ZBBX: variants seen among roughly 807,000 people sequenced by gnomAD.
ZBBX encodes the protein zinc finger B-box domain-containing protein 1.
ZBBX carries 101 observed loss-of-function variants against 108.5 expected under a neutral mutation model. That is an observed-to-expected ratio of 0.93 (90% CI 0.79 to 1.10). The LOEUF (loss-of-function observed/expected upper bound fraction) is 1.10. Ranked by LOEUF, ZBBX falls within the 50% of genes least tolerant of loss-of-function variation. The pLI is 0.00. For missense variants in ZBBX, 1,009 were observed against 941.4 expected, an observed-to-expected ratio of 1.07 and a Z score of -0.94; for synonymous variants, 356 against 323.4, an observed-to-expected ratio of 1.10 and a Z score of -1.08.
the ZBBX span, among the ~76,000 whole-genome samples, chr3:167,179,531 G>C: frequency 3.9e-5 from 6 of 152,286 alleles, no homozygotes; most frequent in South Asian, 1.2e-3. Flanking sequence ...TTGCAATTGG[G>C]TAAATAAAGT....
At chr3:167,275,211 A>G (rs1200478093) in intron 20 of ZBBX, among the ~76,000 whole-genome samples, 1 of 152,188 alleles carries the variant, frequency 6.6e-6, no homozygotes, top group African/African-American at 2.4e-5. Flanking sequence ...TACTAAATAT[A>G]TATTCTTCTA....
intron 17 of ZBBX, among the ~76,000 whole-genome samples, chr3:167,303,218 A>T (rs1194659243): frequency 1.3e-5 from 2 of 152,172 alleles, no homozygotes; most frequent in East Asian, 3.9e-4. Flanking sequence ...TTTGGATGAC[A>T]TACATTATGT....
At chr3:167,328,689 C>T (rs1252291060) in intron 10 of ZBBX, among the ~76,000 whole-genome samples, 1 of 152,118 alleles carries the variant, frequency 6.6e-6, no homozygotes, top group Non-Finnish European at 1.5e-5. Context: ...TCTGAGAACC[C>T]ATCAAGCACA....
the ZBBX span, among the ~76,000 whole-genome samples, chr3:167,232,522 G>C: frequency 6.6e-6 from 1 of 151,674 alleles, no homozygotes; most frequent in Non-Finnish European, 1.5e-5. Context: ...CAATAAAGGG[G>C]AATTTGTGTG....
chr3:167,243,352 T>A (rs763633723), intron 20 of ZBBX, among the ~76,000 whole-genome samples: 1 of 152,160 alleles, frequency 6.6e-6, no homozygotes. Flanking sequence ...ATACATAAAG[T>A]TATACTATGA....
At chr3:167,406,253 T>C (rs977353099) in intron 1 of ZBBX, among the ~76,000 whole-genome samples, 2 of 152,202 alleles carry the variant, frequency 1.3e-5, no homozygotes, top group South Asian at 4.1e-4. Context: ...GTGATAAACA[T>C]TTAAAGGCAA....
chr3:167,205,685 G>A, the ZBBX span, among the ~76,000 whole-genome samples: 1 of 152,108 alleles, frequency 6.6e-6, no homozygotes, highest in Non-Finnish European at 1.5e-5. Flanking sequence ...GCATTTTACA[G>A]GAGAAGAAAT....
At chr3:167,319,239 C>T (rs1365300087) in intron 12 of ZBBX, among the ~76,000 whole-genome samples, 1 of 151,970 alleles carries the variant, frequency 6.6e-6, no homozygotes, top group Admixed American at 6.6e-5. Context: ...ATGGATGAAT[C>T]TTAAATGCAT....
rs912989036 is a variant in ZBBX at position 167,279,177 on chromosome 3, T to C, written c.2254+3061A>G. ...TGGGCAAAAACTGGAAGCATTCCCT[T>C]TGAAAACTGGCACAAGACAGGGATT... On this transcript the variant is annotated intron_variant, in intron 20 of 21. Transcript: ENST00000675490. 3.8e-4 allele frequency among the ~76,000 whole-genome samples: 58 copies of C among 152,250 alleles called. 1 individual carries two copies. Among genetic ancestry groups the C allele is most frequent in the East Asian group, 9.7e-4 (5 of 5,170 alleles).
At chr3:167,251,439 C>T (rs1031317740) in intron 20 of ZBBX, among the ~76,000 whole-genome samples, 1 of 152,154 alleles carries the variant, frequency 6.6e-6, no homozygotes, top group African/African-American at 2.4e-5. Flanking sequence ...TAGACACTCT[C>T]GTGGAGTTGG....
chr3:167,203,036 T>A, the ZBBX span, among the ~76,000 whole-genome samples: 1 of 152,148 alleles, frequency 6.6e-6, no homozygotes, highest in Non-Finnish European at 1.5e-5. Flanking sequence ...ATATAAAATA[T>A]GGGAAAAGCA....
intron 18 of ZBBX, among the ~76,000 whole-genome samples, chr3:167,295,279 TGGA>T (rs1731442695): frequency 6.6e-6 from 1 of 152,020 alleles, no homozygotes; most frequent in Non-Finnish European, 1.5e-5. Context: ...ATAGCAGACT[TGGA>T]AGCAACCCAA....
At chr3:167,301,268 C>T (rs1293939570) in intron 17 of ZBBX, among the ~76,000 whole-genome samples, 7 of 152,200 alleles carry the variant, frequency 4.6e-5, no homozygotes, top group Admixed American at 4.6e-4. Context: ...TAAGTCACAG[C>T]TATCCTGACA....
chr3:167,383,221 C>G (rs1194582615), upstream of ZBBX, among the ~76,000 whole-genome samples: 2 of 152,126 alleles, frequency 1.3e-5, no homozygotes, highest in Admixed American at 1.3e-4. Flanking sequence ...CTTTTATAGG[C>G]AAAAGTTTGT....
chr3:167,209,982 C>A, the ZBBX span, among the ~76,000 whole-genome samples: 1 of 152,046 alleles, frequency 6.6e-6, no homozygotes, highest in Non-Finnish European at 1.5e-5. Context: ...CCCAACTACT[C>A]AGGAGGCTGA....
chr3:167,226,091 A>G, the ZBBX span, among the ~76,000 whole-genome samples: 3 of 151,600 alleles, frequency 2.0e-5, no homozygotes, highest in African/African-American at 7.2e-5. Flanking sequence ...TTAAAAAAAA[A>G]AAAAGAAAAA....
chr3:167,204,198 C>CTTT, the ZBBX span, among the ~76,000 whole-genome samples: 886 of 118,076 alleles, frequency 7.5e-3, 19 homozygotes, highest in African/African-American at 0.025. Context: ...TTCTTTTTTT[C>CTTT]TTTTTTTTTT....
At position 167,317,048 on chromosome 3, in the gene ZBBX, A is replaced by C. The variant is rs1735582419; in HGVS notation, c.1151T>G (p.Ile384Arg). ...CTTTAGAGATGGTTCAGGTCTCTCT[A>C]TGTTTAATGTTTCTACTGGCAATAA... ...ALLLPVETLN[I>R]ERPEPSLKIV... The change falls in exon 14 of 22, where the codon ATA becomes AGA. Residue 384 changes from isoleucine to arginine, a missense_variant. Transcript: ENST00000675490. 2 of 1,610,778 alleles carry C rather than the reference A, an allele frequency of 1.2e-6. No homozygotes were observed. The highest frequency in any genetic ancestry group is 1.7e-6 in the Non-Finnish European group (2 of 1,177,992).
At chr3:167,243,590 G>A (rs1472688105) in intron 20 of ZBBX, among the ~76,000 whole-genome samples, 2 of 151,870 alleles carry the variant, frequency 1.3e-5, no homozygotes, top group East Asian at 3.9e-4. Flanking sequence ...TAGAGACGGG[G>A]TTTCTCCATG....
Sources: allele counts gnomAD v4.1 joint callset (sites outside exome capture counted in the v4.1 genomes callset), GRCh38; gene constraint gnomAD v4.1.1; transcripts MANE v1.5; gene names NCBI Gene and HGNC (gene_info 2026-07-23, HGNC 2026-07-21).